The following ADARB2 variants were observed in gnomAD, a reference collection of about 807,000 sequenced individuals.
ADARB2 encodes the protein adenosine deaminase RNA specific B2 (inactive), also known as inactive double-stranded RNA-specific editase B2.
A neutral mutation model predicts 62.2 loss-of-function variants in ADARB2; 25 were observed. The ratio of observed to expected loss-of-function variants is 0.40; its 90% CI spans 0.29 to 0.56. The LOEUF (loss-of-function observed/expected upper bound fraction) is 0.56. ADARB2 is among the 20% of genes least tolerant of loss of function. The pLI is 0.43. For missense variants in ADARB2, 1,071 were observed against 1,077.4 expected, an observed-to-expected ratio of 0.99 and a Z score of 0.08; for synonymous variants, 572 against 500.8, an observed-to-expected ratio of 1.14 and a Z score of -1.90.
intron 1 of ADARB2, chr10:1,526,838 T>G: frequency 1.9e-6 from 1 of 515,356 alleles, no homozygotes; most frequent in Admixed American, 2.0e-5. Context: ...CGTGGAGGGG[T>G]CGTGAGCGGG....
At position 1,208,930 on chromosome 10, in the gene ADARB2, C is replaced by T. The variant is rs539401340; in HGVS notation, c.1682+8021G>A. On this transcript the variant is annotated intron_variant, in intron 7 of 9. Transcript: ENST00000381312. ...GGGCGCCCGGAGCCTGATGAGTGGTCGGTGCTGTCAGGGCACTGAGGCAGG... is the reference window on the plus strand; with the variant it reads ...GGGCGCCCGGAGCCTGATGAGTGGTTGGTGCTGTCAGGGCACTGAGGCAGG... 4.5e-4 allele frequency among the ~76,000 whole-genome samples: 68 copies of T among 152,268 alleles called. No homozygotes were observed. In the East Asian group the frequency reaches 6.4e-3, roughly 14 times the overall value.
At chr10:1,402,746 C>T (rs952113603) in intron 1 of ADARB2, among the ~76,000 whole-genome samples, 1 of 152,172 alleles carries the variant, frequency 6.6e-6, no homozygotes, top group Non-Finnish European at 1.5e-5. Context: ...GCTGACCCCT[C>T]AGCTCCAACG....
chr10:1,360,145 A>G (rs192894693), intron 3 of ADARB2, among the ~76,000 whole-genome samples: 132 of 151,896 alleles, frequency 8.7e-4, no homozygotes, highest in African/African-American at 3.1e-3. Context: ...GTGGGCAGAG[A>G]ACCTCAAGCA....
chr10:1,600,179 G>A (rs1833391390), intron 1 of ADARB2, among the ~76,000 whole-genome samples: 1 of 152,198 alleles, frequency 6.6e-6, no homozygotes, highest in African/African-American at 2.4e-5. Context: ...GGTGGGAAAA[G>A]CAAATCTGCT....
intron 5 of ADARB2, among the ~76,000 whole-genome samples, chr10:1,241,928 T>G (rs963615014): frequency 6.6e-6 from 1 of 152,084 alleles, no homozygotes; most frequent in Non-Finnish European, 1.5e-5. Context: ...AGCCTGGAAT[T>G]TTAGCATCTT....
chr10:1,501,901 C>G (rs1369532007), intron 1 of ADARB2, among the ~76,000 whole-genome samples: 1 of 152,190 alleles, frequency 6.6e-6, no homozygotes, highest in Non-Finnish European at 1.5e-5. Context: ...GGGCAGAGGA[C>G]AGGATTAAGG....
chr10:1,613,688 G>A (rs1054258590), intron 1 of ADARB2, among the ~76,000 whole-genome samples: 1 of 152,206 alleles, frequency 6.6e-6, no homozygotes, highest in Admixed American at 6.5e-5. Context: ...GTCTTCAAAG[G>A]TGGAGTTGAA....
intron 1 of ADARB2, among the ~76,000 whole-genome samples, chr10:1,623,080 C>T (rs571158024): frequency 9.2e-5 from 14 of 152,208 alleles, no homozygotes; most frequent in South Asian, 8.3e-4. Context: ...GAAGACGTGA[C>T]GTATGGCATG....
At chr10:1,522,885 C>A (rs1419422317) in intron 1 of ADARB2, among the ~76,000 whole-genome samples, 1 of 152,154 alleles carries the variant, frequency 6.6e-6, no homozygotes, top group African/African-American at 2.4e-5. Context: ...AACCAGACAC[C>A]TTGTTTGTGC....
intron 1 of ADARB2, among the ~76,000 whole-genome samples, chr10:1,625,435 G>A (rs1173767878): frequency 6.6e-6 from 1 of 152,248 alleles, no homozygotes; most frequent in Non-Finnish European, 1.5e-5. Context: ...GGCGCTGGTG[G>A]GGTGTTTAGT....
At chr10:1,483,067 T>C (rs966259804) in intron 1 of ADARB2, among the ~76,000 whole-genome samples, 1 of 152,214 alleles carries the variant, frequency 6.6e-6, no homozygotes, top group Non-Finnish European at 1.5e-5. Context: ...AAAAGCATCC[T>C]AGTAACTGAG....
chr10:1,549,145 A>G (rs1268123565), intron 1 of ADARB2, among the ~76,000 whole-genome samples: 1 of 140,184 alleles, frequency 7.1e-6, no homozygotes, highest in African/African-American at 2.7e-5. Flanking sequence ...ACTAGGGGGG[A>G]ATCACTTTAG....
intron 1 of ADARB2, among the ~76,000 whole-genome samples, chr10:1,543,290 T>G (rs1348578514): frequency 2.0e-5 from 3 of 152,238 alleles, no homozygotes; most frequent in Non-Finnish European, 4.4e-5. Context: ...AAGAGTTGCC[T>G]GTGAAGGGCG....
At chr10:1,406,382 TGGGCTCGGTACCC>T (rs1442340782) in intron 1 of ADARB2, among the ~76,000 whole-genome samples, 1 of 152,192 alleles carries the variant, frequency 6.6e-6, no homozygotes, top group East Asian at 1.9e-4. Context: ...TAAAGCCGTG[TGGGCTCGGTACCC>T]GGGAAGGAGA....
At chr10:1,656,199 T>C (rs758775106) in intron 1 of ADARB2, among the ~76,000 whole-genome samples, 5 of 152,226 alleles carry the variant, frequency 3.3e-5, no homozygotes, top group Non-Finnish European at 5.9e-5. Flanking sequence ...ATCGCCAAAA[T>C]GGGCATCAAT....
chr10:1,668,535 G>A (rs7073272), intron 1 of ADARB2, among the ~76,000 whole-genome samples: 35,711 of 152,070 alleles, frequency 0.23, 4,571 homozygotes, highest in Middle Eastern at 0.31. Context: ...TAGAAGCAGT[G>A]GTGGGGCTGA....
chr10:1,622,777 A>G (rs1833720634), intron 1 of ADARB2, among the ~76,000 whole-genome samples: 1 of 152,232 alleles, frequency 6.6e-6, no homozygotes, highest in South Asian at 2.1e-4. Context: ...TTGTTTCTTA[A>G]ATAGCTAAAC....
At chr10:1,497,592 A>G (rs1185341022) in intron 1 of ADARB2, among the ~76,000 whole-genome samples, 4 of 152,240 alleles carry the variant, frequency 2.6e-5, no homozygotes, top group Non-Finnish European at 5.9e-5. Flanking sequence ...CTATTTATAA[A>G]TTACATATAT....
At chr10:1,679,361 A>G (rs143810188) in intron 1 of ADARB2, among the ~76,000 whole-genome samples, 1,788 of 152,232 alleles carry the variant, frequency 0.012, 34 homozygotes, top group African/African-American at 0.041. Flanking sequence ...ATAGCCAAGG[A>G]GTCTCTATTT....
Sources: gnomAD v4.1 joint callset for allele counts (sites outside exome capture counted in the v4.1 genomes callset) on GRCh38, gnomAD v4.1.1 for gene constraint, MANE v1.5 for transcripts, NCBI Gene and HGNC (gene_info 2026-07-23, HGNC 2026-07-21) for gene names.